DISP3: variants seen among roughly 807,000 people sequenced by gnomAD.
DISP3 encodes protein dispatched homolog 3.
DISP3 carries 101 observed loss-of-function variants against 135.3 expected under a neutral mutation model. The observed-to-expected ratio is 0.75, with a 90% CI of 0.64 to 0.88. The LOEUF is 0.88. Ranked by LOEUF, DISP3 falls within the 40% of genes least tolerant of loss-of-function variation. DISP3 has a pLI of 0.00. For missense variants in DISP3, 1,713 were observed against 1,878.6 expected (o/e 0.91, Z 1.63); for synonymous variants, 856 against 817.0 (o/e 1.05, Z -0.81).
intron 1 of DISP3, among the ~76,000 whole-genome samples, chr1:11,482,842 C>G (rs11121750): frequency 1.3e-5 from 2 of 151,924 alleles, no homozygotes. Context: ...CTGCCCTCCC[C>G]CTACCCAAGC....
Position 11,499,550 on chromosome 1 carries a change from A to C in DISP3, c.-3-1440A>C, listed in dbSNP as rs1351848563. ...GAAGTTTAATTATTTCATTAATACGAATCTTGCATATTACAGGAGCAATTC... is the reference window on the plus strand; with the variant it reads ...GAAGTTTAATTATTTCATTAATACGCATCTTGCATATTACAGGAGCAATTC... On this transcript the variant is annotated intron_variant, in intron 1 of 20. Coordinates refer to ENST00000294484, the MANE Select transcript of DISP3 (RefSeq NM_020780.2). The surrounding 1 kb of genome is among the most constrained non-coding windows in gnomAD (Gnocchi z 5.2). Among the ~76,000 whole-genome samples, 1 of 152,140 alleles carries C rather than the reference A, an allele frequency of 6.6e-6. No homozygotes were observed. Among genetic ancestry groups the C allele is most frequent in the Non-Finnish European group, 1.5e-5 (1 of 68,030 alleles).
Position 11,488,965 on chromosome 1 carries a change from A to G in DISP3, c.-4+9593A>G, listed in dbSNP as rs530816888. ...ATTCAGTCCCACCGCCTCCCCCGCGATGAGAGGATTGAGGATGGGAAGAGA... is the reference window on the plus strand; with the variant it reads ...ATTCAGTCCCACCGCCTCCCCCGCGGTGAGAGGATTGAGGATGGGAAGAGA... On this transcript the variant is annotated intron_variant, in intron 1 of 20. Coordinates refer to ENST00000294484, the MANE Select transcript of DISP3 (RefSeq NM_020780.2). 5.6e-4 allele frequency among the ~76,000 whole-genome samples: 86 copies of G among 152,262 alleles called. 1 individual carries two copies. The highest frequency in any genetic ancestry group is 2.0e-3 in the African/African-American group (84 of 41,552).
chr1:11,519,706 T>C lies in DISP3; in HGVS notation c.2039-13T>C. Reference sequence around the variant, plus strand: ...GATTCAGGCTCTGACGGGCCACTGCTCTGCCCTGGCAGTGTCACTGGAGCT... The same window carrying C: ...GATTCAGGCTCTGACGGGCCACTGCCCTGCCCTGGCAGTGTCACTGGAGCT... On this transcript the variant is annotated splice_polypyrimidine_tract_variant and intron_variant, in intron 8 of 20. Transcript: ENST00000294484. The surrounding 1 kb of genome is among the most constrained non-coding windows in gnomAD (Gnocchi z 4.3). 1 of 1,611,170 alleles carries C rather than the reference T, an allele frequency of 6.2e-7. No homozygotes were observed. Among genetic ancestry groups the C allele is most frequent in the East Asian group, 2.2e-5 (1 of 44,842 alleles).
chr1:11,480,323 ACG>A (rs1640862986), intron 1 of DISP3, among the ~76,000 whole-genome samples: 1 of 152,046 alleles, frequency 6.6e-6, no homozygotes, highest in African/African-American at 2.4e-5. Flanking sequence ...CCCACAGTCC[ACG>A]CGCACACTCA....
rs771213509 is a variant in DISP3 at position 11,525,243 on chromosome 1, C to T, written c.2544C>T (p.Ser848=). The part of the protein sequence containing the change: ...SQGHPAVYRL[S]LNASLPAPWQ... ...GCCACCCCGCTGTCTACAGGCTCTC[C>T]CTCAATGCCAGCCTGCCTGCTCCTT... The change falls in exon 12 of 21, where the codon TCC becomes TCT. Residue 848 remains serine, a synonymous_variant. Coordinates refer to ENST00000294484, the MANE Select transcript of DISP3 (RefSeq NM_020780.2). The T allele has an allele frequency of 5.0e-6, 8 of 1,614,100 alleles. No individual in the cohort carries two copies. In the Admixed American group the frequency reaches 5.0e-5, roughly 10 times the overall value.
At position 11,537,540 on chromosome 1, in the gene DISP3, CAT is replaced by C. The variant is rs1165097081; in HGVS notation, c.*856_*857del. ...CGGCAGAAGGTTGCTATTAAAATGA[CAT>C]AGGATTGCAGACTGCTGCTGTTAAT... is the stretch of plus-strand genomic sequence containing the variant. On this transcript the variant is annotated 3_prime_UTR_variant, in exon 21 of 21. Transcript: ENST00000294484. 2.0e-5 allele frequency: 3 copies of C among 152,312 alleles called. No individual in the cohort carries two copies. Among genetic ancestry groups the C allele is most frequent in the East Asian group, 3.8e-4 (2 of 5,198 alleles). 9.4% of individuals were successfully genotyped at this position (152,312 alleles called of 1,614,324 possible).
chr1:11,496,372 GAGAC>G (rs1641333961), intron 1 of DISP3, among the ~76,000 whole-genome samples: 1 of 152,114 alleles, frequency 6.6e-6, no homozygotes, highest in African/African-American at 2.4e-5. Flanking sequence ...GTGTGAGAGA[GAGAC>G]AGAGACAGAG....
chr1:11,501,692 C>T lies in DISP3; in HGVS notation c.700C>T (p.Pro234Ser), dbSNP rs972390326. The change falls in exon 2 of 21, where the codon CCC becomes TCC. Residue 234 changes from proline (P) to serine (S), a missense_variant. Physicochemically the swap from Pro to Ser is moderately conservative, Grantham distance 74 (BLOSUM62 -1). Coordinates refer to ENST00000294484, the MANE Select transcript of DISP3 (RefSeq NM_020780.2). The surrounding 1 kb of genome is among the most constrained non-coding windows in gnomAD (Gnocchi z 4.9). ...QRLSKNGRYQ[P>S]SIPPHAAVAA... ...GCTGAGCAAGAATGGGCGGTACCAG[C>T]CCAGCATCCCGCCCCACGCGGCAGT... is the stretch of plus-strand genomic sequence containing the variant. The T allele has an allele frequency of 6.2e-7, 1 of 1,602,924 alleles. No individual in the cohort carries two copies. The highest frequency in any genetic ancestry group is 8.5e-7 in the Non-Finnish European group (1 of 1,175,288).
intron 13 of DISP3, among the ~76,000 whole-genome samples, chr1:11,528,716 G>C (rs1356702378): frequency 6.6e-6 from 1 of 152,082 alleles, no homozygotes. Flanking sequence ...GACGGGGCTC[G>C]GTGACACACA....
intron 17 of DISP3, among the ~76,000 whole-genome samples, chr1:11,532,459 T>C (rs1033692065): frequency 6.6e-6 from 1 of 152,154 alleles, no homozygotes; most frequent in Non-Finnish European, 1.5e-5. Context: ...ATGTGACGGC[T>C]TAACTGGGGA....
rs1402372942 is a variant in DISP3 at position 11,501,400 on chromosome 1, C to G, written c.408C>G (p.Asn136Lys). 11 of 1,600,020 alleles carry G rather than the reference C, an allele frequency of 6.9e-6. No homozygotes were observed. Among genetic ancestry groups the G allele is most frequent in the Non-Finnish European group, 9.4e-6 (11 of 1,173,474 alleles). ...LKSQFGSWGR[N>K]RRDLADFTSE... ...CCCAGTTTGGATCCTGGGGGCGGAACCGGCGCGATTTGGCCGACTTCACCT... is the reference window on the plus strand; with the variant it reads ...CCCAGTTTGGATCCTGGGGGCGGAAGCGGCGCGATTTGGCCGACTTCACCT... The change falls in exon 2 of 21, where the codon AAC becomes AAG. Residue 136 changes from asparagine (N) to lysine (K), a missense_variant. Asn to Lys is a moderately conservative substitution (Grantham distance 94, BLOSUM62 0). This residue lies in a region of DISP3 where 571 missense variants were observed against 494.1 expected (regional missense o/e 1.16). Transcript: ENST00000294484. This position sits in a 1 kb window ranked among gnomAD's most constrained non-coding sequence, Gnocchi z 4.9.
chr1:11,500,684 A>T (rs55861280), intron 1 of DISP3, among the ~76,000 whole-genome samples: 1 of 151,478 alleles, frequency 6.6e-6, no homozygotes, highest in South Asian at 2.1e-4. Context: ...TTTTTTTTTT[A>T]AATCCCTCAC....
In DISP3 at chr1:11,491,679, C is replaced by A. The variant is rs890530989; in HGVS notation, c.-3-9311C>A. ...CCACCTCCTCTGACCTGGAATCTGA[C>A]CTAGAGTTTGCACTTTAACGAGTAT... On this transcript the variant is annotated intron_variant, in intron 1 of 20. Coordinates refer to ENST00000294484, the MANE Select transcript of DISP3 (RefSeq NM_020780.2). This position sits in a 1 kb window ranked among gnomAD's most constrained non-coding sequence, Gnocchi z 4.3. Among the ~76,000 whole-genome samples, 28 of 152,120 alleles carry A rather than the reference C, an allele frequency of 1.8e-4. No individual in the cohort carries two copies. The highest frequency in any genetic ancestry group is 6.8e-4 in the African/African-American group (28 of 41,426).
chr1:11,493,775 C>A lies in DISP3; in HGVS notation c.-3-7215C>A, dbSNP rs554829219. The stretch of plus-strand genomic sequence containing the variant: ...CACACTCTCTCTCTCACACACACAC[C>A]CAGAATCATGTTTGGCCAAATATCT... On this transcript the variant is annotated intron_variant, in intron 1 of 20. Transcript: ENST00000294484. 2.2e-4 allele frequency among the ~76,000 whole-genome samples: 34 copies of A among 152,174 alleles called. No individual in the cohort carries two copies. The South Asian group carries it at 7.1e-3, about 32-fold the overall frequency.
chr1:11,504,597 T>G (rs535181584), intron 3 of DISP3, among the ~76,000 whole-genome samples: 1 of 152,344 alleles, frequency 6.6e-6, no homozygotes, highest in East Asian at 1.9e-4. Context: ...ATAAATAGAT[T>G]AATGCCATCT....
chr1:11,504,040 C>T (rs989422722), intron 3 of DISP3, among the ~76,000 whole-genome samples: 4 of 152,172 alleles, frequency 2.6e-5, no homozygotes, highest in African/African-American at 9.7e-5. Flanking sequence ...CCTGATAGGC[C>T]AGTCCCAGGC....
At chr1:11,522,651 G>GA (rs1642248651) in intron 10 of DISP3, among the ~76,000 whole-genome samples, 1 of 23,586 alleles carries the variant, frequency 4.2e-5, no homozygotes, top group African/African-American at 1.7e-4. Flanking sequence ...CCCAGCCAGG[G>GA]CCCAGCCAGA....
In DISP3 at chr1:11,536,244, T is replaced by G. The variant is rs528815842; in HGVS notation, c.3817-80T>G. 1,823 of 1,508,598 alleles carry G rather than the reference T, an allele frequency of 1.2e-3. 30 individuals carry two copies. In the South Asian group the frequency reaches 0.022, roughly 19 times the overall value. 93.5% of individuals were successfully genotyped at this position (1,508,598 alleles called of 1,614,324 possible). A position where few individuals can be genotyped will look rare whatever the true frequency, so the allele number is the denominator to read the frequency against. On this transcript the variant is annotated intron_variant, in intron 20 of 20. Transcript: ENST00000294484. The surrounding 1 kb of genome is among the most constrained non-coding windows in gnomAD (Gnocchi z 4.3). ...AACAGAGCAGGAACCTGGCGTGGGG[T>G]GGGGGTGCGTGATTCCCCAGGTGCT... is the stretch of plus-strand genomic sequence containing the variant.
At position 11,523,990 on chromosome 1, in the gene DISP3, C is replaced by A. The variant is rs1284277148; in HGVS notation, c.2411C>A (p.Ser804Tyr). The change falls in exon 11 of 21, where the codon TCC becomes TAC. Residue 804 changes from serine (S) to tyrosine (Y), a missense_variant. Ser to Tyr is a moderately radical substitution (Grantham distance 144, BLOSUM62 -2). This residue lies in a region of DISP3 where 1,142 missense variants were observed against 1,384.6 expected (regional missense o/e 0.82). Coordinates refer to ENST00000294484, the MANE Select transcript of DISP3 (RefSeq NM_020780.2). ...PHSLQNNIRT[S>Y]LEKKRRGSGV... Reference sequence around the variant, plus strand: ...AGCCTGCAGAACAACATCCGGACGTCCCTGGAGAAGAAGAGGCGAGGCTCA... The same window carrying A: ...AGCCTGCAGAACAACATCCGGACGTACCTGGAGAAGAAGAGGCGAGGCTCA... 6.2e-7 allele frequency: 1 copy of A among 1,613,286 alleles called. No individual in the cohort carries two copies. The highest frequency in any genetic ancestry group is 1.3e-5 in the African/African-American group (1 of 74,876).
Sources: gnomAD v4.1 joint callset for allele counts (sites outside exome capture counted in the v4.1 genomes callset) on GRCh38, gnomAD v4.1.1 for gene constraint, gnomAD v4.1.1 regional missense constraint, Gnocchi (gnomAD v3.1) non-coding constraint, MANE v1.5 for transcripts, NCBI Gene and HGNC (gene_info 2026-07-23, HGNC 2026-07-21) for gene names.